BBS9: variants seen among roughly 807,000 people sequenced by gnomAD.
The protein encoded by BBS9 is protein PTHB1.
BBS9 carries 89 observed loss-of-function variants against 117.7 expected under a neutral mutation model. That is an observed-to-expected ratio of 0.76 (90% CI 0.64 to 0.90). The LOEUF is 0.90. Ranked by LOEUF, BBS9 falls within the 40% of genes least tolerant of loss-of-function variation. The pLI is 0.00. For synonymous variants in BBS9, 379 were observed against 370.9 expected (o/e 1.02, Z -0.25); for missense variants, 982 against 1,042.2 (o/e 0.94, Z 0.80).
chr7:33,153,957 C>G (rs1476712632), intron 3 of BBS9, among the ~76,000 whole-genome samples: 2 of 152,106 alleles, frequency 1.3e-5, no homozygotes, highest in South Asian at 4.1e-4. Flanking sequence ...GTGTTTTTAC[C>G]TTACCATTAA....
chr7:33,264,345 C>CA lies in BBS9; in HGVS notation c.678dup (p.Leu227ThrfsTer21). 1 of 1,580,762 alleles carries CA rather than the reference C, an allele frequency of 6.3e-7. No homozygotes were observed. The highest frequency in any genetic ancestry group is 8.6e-7 in the Non-Finnish European group (1 of 1,162,770). ...AGATAAAAGGCAGGAGACTGAACAG[C>CA]AAAAACTTGGTTCTGGAAAAAGACT... On this transcript the variant is annotated frameshift_variant, in exon 7 of 23. Transcript: ENST00000242067. LOFTEE classifies it high-confidence loss of function.
chr7:33,581,692 G>T (rs1859949816), intron 21 of BBS9, among the ~76,000 whole-genome samples: 1 of 152,122 alleles, frequency 6.6e-6, no homozygotes, highest in Admixed American at 6.5e-5. Flanking sequence ...CCAGAATGAT[G>T]ATAGCCACTA....
At chr7:33,627,738 G>T (rs983819183) in intron 21 of BBS9, among the ~76,000 whole-genome samples, 5 of 152,138 alleles carry the variant, frequency 3.3e-5, no homozygotes, top group African/African-American at 1.2e-4. Context: ...TTTGTTTTAG[G>T]CTTTCTCTAA....
intron 9 of BBS9, among the ~76,000 whole-genome samples, chr7:33,320,897 T>A (rs1237471724): frequency 6.6e-6 from 1 of 152,126 alleles, no homozygotes; most frequent in East Asian, 1.9e-4. Context: ...CCATTTTGAT[T>A]TGATTTTTGT....
chr7:33,343,623 G>A (rs777821094), intron 11 of BBS9, among the ~76,000 whole-genome samples: 19 of 151,502 alleles, frequency 1.3e-4, no homozygotes, highest in East Asian at 5.8e-4. Flanking sequence ...CTCAGCCTCC[G>A]GAGTAGCTGG....
At chr7:33,425,052 G>A (rs374252914) in intron 19 of BBS9, among the ~76,000 whole-genome samples, 1 of 152,304 alleles carries the variant, frequency 6.6e-6, no homozygotes, top group African/African-American at 2.4e-5. Context: ...AAACTGAGCA[G>A]TGAGGAGGAA....
intron 5 of BBS9, among the ~76,000 whole-genome samples, chr7:33,187,262 A>G (rs1419058493): frequency 6.6e-6 from 1 of 152,260 alleles, no homozygotes; most frequent in Admixed American, 6.5e-5. Context: ...CTTGTAGTCT[A>G]TGTAGTATCA....
At chr7:33,372,083 T>A (rs908841709) in intron 17 of BBS9, among the ~76,000 whole-genome samples, 3 of 151,964 alleles carry the variant, frequency 2.0e-5, no homozygotes, top group African/African-American at 7.2e-5. Context: ...GTAGTAGGAG[T>A]TATAGAGCAA....
At chr7:33,326,231 C>T (rs1812807730) in intron 9 of BBS9, among the ~76,000 whole-genome samples, 1 of 151,738 alleles carries the variant, frequency 6.6e-6, no homozygotes, top group South Asian at 2.1e-4. Flanking sequence ...TTTTCCCTCC[C>T]CTCCCCTCCC....
At chr7:33,210,144 G>A (rs1362317504) in intron 5 of BBS9, among the ~76,000 whole-genome samples, 3 of 152,006 alleles carry the variant, frequency 2.0e-5, no homozygotes, top group African/African-American at 7.2e-5. Context: ...AATTTCTTCA[G>A]TGACACACTG....
At chr7:33,475,979 A>G (rs1307714409) in intron 19 of BBS9, among the ~76,000 whole-genome samples, 1 of 152,202 alleles carries the variant, frequency 6.6e-6, no homozygotes, top group Non-Finnish European at 1.5e-5. Flanking sequence ...GTCTGGTGCA[A>G]TAAATACAGA....
chr7:33,336,746 T>C, intron 10 of BBS9, 124 bp downstream of exon 10: 2 of 721,802 alleles, frequency 2.8e-6, no homozygotes, highest in African/African-American at 1.8e-5. Context: ...ATCATATTTG[T>C]AAAAACAGTA....
chr7:33,469,331 G>A (rs1170746520), intron 19 of BBS9, among the ~76,000 whole-genome samples: 1 of 152,152 alleles, frequency 6.6e-6, no homozygotes, highest in African/African-American at 2.4e-5. Context: ...GACCCATGAA[G>A]TAGTCAGTAA....
At chr7:33,218,873 G>A (rs918668116) in intron 5 of BBS9, among the ~76,000 whole-genome samples, 40 of 152,356 alleles carry the variant, frequency 2.6e-4, no homozygotes, top group African/African-American at 9.1e-4. Context: ...CCACTTTGGC[G>A]GCACTTGAGG....
chr7:33,491,835 A>G (rs1843947828), intron 19 of BBS9, among the ~76,000 whole-genome samples: 1 of 152,192 alleles, frequency 6.6e-6, no homozygotes, highest in African/African-American at 2.4e-5. Context: ...ACTAGAGATG[A>G]AGAGGCCAAA....
At chr7:33,384,912 A>G (rs1408960946) in intron 18 of BBS9, among the ~76,000 whole-genome samples, 1 of 152,174 alleles carries the variant, frequency 6.6e-6, no homozygotes. Flanking sequence ...AGGATCTGTG[A>G]TGACAATATT....
chr7:33,375,891 G>C (rs1284978433), intron 17 of BBS9, among the ~76,000 whole-genome samples: 1 of 151,762 alleles, frequency 6.6e-6, no homozygotes, highest in Admixed American at 6.6e-5. Context: ...CCATCCTAAT[G>C]GTAAATTTTT....
At chr7:33,284,416 G>C (rs1306849319) in intron 9 of BBS9, among the ~76,000 whole-genome samples, 1 of 152,020 alleles carries the variant, frequency 6.6e-6, no homozygotes, top group African/African-American at 2.4e-5. Context: ...CCTGATTTTT[G>C]TTTTGTTGTA....
chr7:33,596,602 G>A (rs931100578), intron 21 of BBS9, among the ~76,000 whole-genome samples: 2 of 152,054 alleles, frequency 1.3e-5, no homozygotes, highest in African/African-American at 4.8e-5. Flanking sequence ...TACCCCTTGT[G>A]TAAGTCCTTG....
Sources: gnomAD v4.1 joint callset for allele counts (sites outside exome capture counted in the v4.1 genomes callset) on GRCh38, gnomAD v4.1.1 for gene constraint, MANE v1.5 for transcripts, NCBI Gene and HGNC (gene_info 2026-07-23, HGNC 2026-07-21) for gene names.